SSH2: variants seen among roughly 807,000 people sequenced by gnomAD.
The protein encoded by SSH2 is protein phosphatase Slingshot homolog 2.
SSH2 carries 37 observed loss-of-function variants against 135.2 expected under a neutral mutation model. The observed-to-expected ratio is 0.27, with a 90% confidence interval of 0.21 to 0.36. SSH2 has a LOEUF of 0.36. SSH2 is among the 10% of genes least tolerant of loss of function. SSH2 has a pLI of 1.00. For synonymous variants in SSH2, 628 were observed against 646.2 expected, an observed-to-expected ratio of 0.97 and a Z score of 0.43; for missense variants, 1,408 against 1,765.3, an observed-to-expected ratio of 0.80 and a Z score of 3.63.
chr17:29,657,354 C>T (rs1010134872), intron 11 of SSH2, among the ~76,000 whole-genome samples: 2 of 151,770 alleles, frequency 1.3e-5, no homozygotes, highest in Admixed American at 1.3e-4. Context: ...ACTGCAACCT[C>T]CTCCTCTGGG....
chr17:29,768,980 A>C (rs910619003), intron 3 of SSH2, among the ~76,000 whole-genome samples: 11 of 152,076 alleles, frequency 7.2e-5, no homozygotes, highest in Admixed American at 5.9e-4. Flanking sequence ...TTTGGGAGGC[A>C]GAGGCAGGAG....
rs182261392 is a variant in SSH2 at position 29,911,271 on chromosome 17, T to C, written c.63+18667A>G. ...TGTAGGTAACAAAGTAAGCATGAGA[T>C]GGAAGAAACTGTGCCCCTCAGACAG... On this transcript the variant is annotated intron_variant, in intron 1 of 15. Transcript: ENST00000540801. Among the ~76,000 whole-genome samples the C allele has an allele frequency of 2.0e-4, 23 of 115,722 alleles. No individual in the cohort carries two copies. In the Admixed American group the frequency reaches 2.1e-3, roughly 11 times the overall value. The allele number at this position is 115,722 out of a possible 152,430, so 75.9% of individuals were successfully genotyped here.
At chr17:29,812,178 T>A (rs2042454892) in intron 2 of SSH2, among the ~76,000 whole-genome samples, 1 of 150,990 alleles carries the variant, frequency 6.6e-6, no homozygotes, top group East Asian at 1.9e-4. Context: ...TTTTTTTTTT[T>A]AAGTCTTATT....
chr17:29,815,957 T>C (rs2042551597), intron 2 of SSH2, among the ~76,000 whole-genome samples: 1 of 152,054 alleles, frequency 6.6e-6, no homozygotes, highest in East Asian at 1.9e-4. Context: ...CAAGCAAATC[T>C]CACGTCTCAG....
chr17:29,923,003 T>A (rs891786212), intron 1 of SSH2, among the ~76,000 whole-genome samples: 1 of 152,294 alleles, frequency 6.6e-6, no homozygotes, highest in Non-Finnish European at 1.5e-5. Context: ...CTCTGCCTCC[T>A]GGGTTCAAGC....
chr17:29,922,597 C>A (rs1255531699), intron 1 of SSH2, among the ~76,000 whole-genome samples: 1 of 152,056 alleles, frequency 6.6e-6, no homozygotes, highest in Non-Finnish European at 1.5e-5. Context: ...CAATAAAATA[C>A]AAATCAAACC....
At chr17:29,637,842 C>T (rs1418920806) in intron 14 of SSH2, among the ~76,000 whole-genome samples, 8 of 150,834 alleles carry the variant, frequency 5.3e-5, no homozygotes, top group Admixed American at 2.7e-4. Flanking sequence ...GGCCGGCTGC[C>T]GTGGCTCATG....
At chr17:29,705,919 T>C (rs1476951052) in intron 3 of SSH2, among the ~76,000 whole-genome samples, 1 of 152,216 alleles carries the variant, frequency 6.6e-6, no homozygotes, top group East Asian at 1.9e-4. Flanking sequence ...ATTATATTTA[T>C]TTAGGTGTAT....
At chr17:29,871,532 C>A (rs2065936648) in intron 1 of SSH2, among the ~76,000 whole-genome samples, 1 of 152,102 alleles carries the variant, frequency 6.6e-6, no homozygotes, top group African/African-American at 2.4e-5. Context: ...TTTTTCATGT[C>A]AGTGTGGAAT....
chr17:29,878,356 G>A (rs1251117091), intron 1 of SSH2, among the ~76,000 whole-genome samples: 1 of 152,132 alleles, frequency 6.6e-6, no homozygotes, highest in Admixed American at 6.5e-5. Flanking sequence ...GAACCTGGGA[G>A]GCAGAAGTTG....
intron 2 of SSH2, among the ~76,000 whole-genome samples, chr17:29,822,671 A>G (rs1486945554): frequency 6.6e-6 from 1 of 151,944 alleles, no homozygotes; most frequent in Non-Finnish European, 1.5e-5. Context: ...TGAGCCAGGG[A>G]CTCTTAAACT....
In SSH2 at chr17:29,726,084, G is replaced by A. The variant is rs117148253; in HGVS notation, c.189-23022C>T. 7.2e-5 allele frequency among the ~76,000 whole-genome samples: 11 copies of A among 152,130 alleles called. 1 individual carries two copies. Among genetic ancestry groups the A allele is most frequent in the Non-Finnish European group, 2.9e-5 (2 of 68,032 alleles). On this transcript the variant is annotated intron_variant, in intron 3 of 15. Coordinates refer to ENST00000540801, the MANE Select transcript of SSH2 (RefSeq NM_001282129.2). ...TAAGGAGGTGGTCAAGATGATATTC[G>A]AGCAGAGACTTAAATAAAAAATAAA...
chr17:29,744,153 T>C (rs1205822618), intron 3 of SSH2, among the ~76,000 whole-genome samples: 1 of 151,156 alleles, frequency 6.6e-6, no homozygotes, highest in Non-Finnish European at 1.5e-5. Context: ...AAGCCCCTGC[T>C]GGGGTAGGAG....
At chr17:29,684,419 G>A (rs2151077249) in intron 6 of SSH2, 144 bp downstream of exon 6, 2 of 694,626 alleles carry the variant, frequency 2.9e-6, no homozygotes, top group East Asian at 6.5e-5. Flanking sequence ...GGAGGTTGCA[G>A]TGAGCCGAGA....
intron 2 of SSH2, among the ~76,000 whole-genome samples, chr17:29,829,167 T>C (rs2042795260): frequency 6.6e-6 from 1 of 152,214 alleles, no homozygotes; most frequent in South Asian, 2.1e-4. Flanking sequence ...TGGCTGTTTA[T>C]TAAAGGCTAA....
At chr17:29,823,196 G>A (rs1376048510) in intron 2 of SSH2, among the ~76,000 whole-genome samples, 1 of 152,018 alleles carries the variant, frequency 6.6e-6, no homozygotes, top group Non-Finnish European at 1.5e-5. Context: ...ATGTCTTTGA[G>A]GAGTTTCATG....
chr17:29,847,278 T>C (rs941464046), intron 2 of SSH2, among the ~76,000 whole-genome samples: 3 of 152,066 alleles, frequency 2.0e-5, no homozygotes, highest in African/African-American at 2.4e-5. Flanking sequence ...GCAGTACACC[T>C]TAAAAAAAAT....
chr17:29,633,212 C>A (rs1200865513), intron 15 of SSH2, among the ~76,000 whole-genome samples: 1 of 152,180 alleles, frequency 6.6e-6, no homozygotes, highest in Non-Finnish European at 1.5e-5. Flanking sequence ...ATACTTTGCT[C>A]CCAAATGAAC....
At chr17:29,799,694 C>G (rs560123880) in intron 2 of SSH2, among the ~76,000 whole-genome samples, 2 of 150,784 alleles carry the variant, frequency 1.3e-5, no homozygotes, top group Non-Finnish European at 2.9e-5. Context: ...AAGTAAAAAG[C>G]AAAAACACCC....
Sources: gnomAD v4.1 joint callset for allele counts (sites outside exome capture counted in the v4.1 genomes callset) on GRCh38, gnomAD v4.1.1 for gene constraint, MANE v1.5 for transcripts, NCBI Gene and HGNC (gene_info 2026-07-23, HGNC 2026-07-21) for gene names.